The following PLEKHA1 variants were observed in gnomAD, a reference collection of about 807,000 sequenced individuals.
The protein encoded by PLEKHA1 is pleckstrin homology domain containing A1.
A neutral mutation model predicts 52.0 loss-of-function variants in PLEKHA1; 34 were observed. That is an observed-to-expected ratio of 0.65 (90% CI 0.50 to 0.87). The LOEUF is 0.87. Ranked by LOEUF, PLEKHA1 falls within the 40% of genes least tolerant of loss-of-function variation. The pLI, the probability that PLEKHA1 is intolerant of heterozygous loss-of-function variation, is 0.00. For synonymous variants in PLEKHA1, 163 were observed against 170.7 expected, an observed-to-expected ratio of 0.95 and a Z score of 0.35; for missense variants, 497 against 504.2, an observed-to-expected ratio of 0.99 and a Z score of 0.14.
At chr10:122,428,440 CT>C in intron 11 of PLEKHA1, 1 of 1,420,764 alleles carries the variant, frequency 7.0e-7, no homozygotes, top group Non-Finnish European at 9.3e-7. Flanking sequence ...ACCAAACTGC[CT>C]TTTGCAGTTA....
At chr10:122,383,501 T>TG (rs1196879498) in intron 1 of PLEKHA1, among the ~76,000 whole-genome samples, 4 of 150,996 alleles carry the variant, frequency 2.6e-5, no homozygotes, top group Non-Finnish European at 5.9e-5. Flanking sequence ...TTTTTTTTTT[T>TG]TTGGCAGAGA....
At chr10:122,406,747 A>G in intron 5 of PLEKHA1, 74 bp downstream of exon 5, 1 of 1,102,964 alleles carries the variant, frequency 9.1e-7, no homozygotes, top group Admixed American at 1.9e-5. Flanking sequence ...TACACCTACC[A>G]AATGTTCCCA....
chr10:122,425,918 C>T (rs1378186487), intron 10 of PLEKHA1, among the ~76,000 whole-genome samples: 1 of 152,006 alleles, frequency 6.6e-6, no homozygotes, highest in East Asian at 1.9e-4. Context: ...TAGGTGGGGT[C>T]ATACTAAATA....
chr10:122,414,018 G>A (rs1267550593), intron 6 of PLEKHA1, among the ~76,000 whole-genome samples: 1 of 151,944 alleles, frequency 6.6e-6, no homozygotes, highest in Non-Finnish European at 1.5e-5. Flanking sequence ...CTTTATGCTT[G>A]GCAAAGGGTA....
chr10:122,376,501 GATATATATATATATAT>G (rs56781870), intron 1 of PLEKHA1, among the ~76,000 whole-genome samples: 66,652 of 146,776 alleles, frequency 0.45, 15,917 homozygotes, highest in East Asian at 0.65. Context: ...ACATTAAGAA[GATATATATATATATAT>G]ATATATATAT....
At chr10:122,392,200 A>C (rs1376636215) in intron 1 of PLEKHA1, 2 of 151,976 alleles carry the variant, frequency 1.3e-5, no homozygotes, top group African/African-American at 4.8e-5. Flanking sequence ...AATATGATAC[A>C]CCTTTTAAGT....
Position 122,429,758 on chromosome 10 carries a change from C to T in PLEKHA1, c.1035C>T (p.Tyr345=), listed in dbSNP as rs146635571. The stretch of plus-strand genomic sequence containing the variant: ...TTACCATGGAGAAGCGAGGATTTTA[C>T]GAGTCTCTTGCCAAGGTCAAGCCAG... ...STFTMEKRGF[Y]ESLAKVKPGN... Residue 345 remains tyrosine, a synonymous_variant, in exon 12 of 12, where the codon TAC becomes TAT. Coordinates refer to ENST00000368990, the MANE Select transcript of PLEKHA1 (RefSeq NM_001001974.4). 1.2e-3 allele frequency: 2,008 copies of T among 1,614,162 alleles called. 19 individuals are homozygous for T. The African/African-American group carries it at 0.022, about 18-fold the overall frequency.
Position 122,393,090 on chromosome 10 carries a change from C to T in PLEKHA1, c.-20-91C>T. 1.0e-6 allele frequency: 1 copy of T among 998,314 alleles called. No individual in the cohort carries two copies. Among genetic ancestry groups the T allele is most frequent in the South Asian group, 2.2e-5 (1 of 46,364 alleles). The allele number at this position is 998,314 out of a possible 1,614,324, so 61.8% of individuals were successfully genotyped here. On this transcript the variant is annotated intron_variant, in intron 1 of 11. Coordinates refer to ENST00000368990, the MANE Select transcript of PLEKHA1 (RefSeq NM_001001974.4). The surrounding 1 kb of genome is among the most constrained non-coding windows in gnomAD (Gnocchi z 4.5). Reference sequence around the variant, plus strand: ...TTTAATTGACCTTACCTAATGTTGGCAAGTTGCCCCCTCATTGAACAGATT... The same window carrying T: ...TTTAATTGACCTTACCTAATGTTGGTAAGTTGCCCCCTCATTGAACAGATT...
chr10:122,392,884 AT>A (rs556258656), intron 1 of PLEKHA1, among the ~76,000 whole-genome samples: 4 of 151,814 alleles, frequency 2.6e-5, no homozygotes, highest in East Asian at 1.9e-4. Context: ...TTGGATAACT[AT>A]TTTTTTTGGC....
chr10:122,406,801 G>T (rs927825090), intron 5 of PLEKHA1, 128 bp downstream of exon 5: 13 of 687,482 alleles, frequency 1.9e-5, no homozygotes, highest in Admixed American at 5.5e-5. Flanking sequence ...TAAAAGACAG[G>T]TGTTCAGAAT....
intron 1 of PLEKHA1, among the ~76,000 whole-genome samples, chr10:122,377,243 C>G (rs143773736): frequency 6.6e-6 from 1 of 152,124 alleles, no homozygotes; most frequent in Non-Finnish European, 1.5e-5. Flanking sequence ...ACAATAGTAA[C>G]ATTGCTTTTA....
At chr10:122,400,441 T>C (rs960988443) in intron 4 of PLEKHA1, 53 bp downstream of exon 4, 5 of 1,488,836 alleles carry the variant, frequency 3.4e-6, no homozygotes, top group Non-Finnish European at 4.5e-6. Context: ...TTGTATCATA[T>C]TGTAAAAGAA....
At chr10:122,394,069 CTTTTTTTTT>C (rs796831792) in intron 2 of PLEKHA1, among the ~76,000 whole-genome samples, 3 of 97,206 alleles carry the variant, frequency 3.1e-5, no homozygotes, top group African/African-American at 6.9e-5. Flanking sequence ...ACTTTCTCTA[CTTTTTTTTT>C]TTTTTTTTTT....
chr10:122,396,202 T>G (rs760422246), intron 2 of PLEKHA1, among the ~76,000 whole-genome samples: 3 of 152,090 alleles, frequency 2.0e-5, no homozygotes, highest in African/African-American at 7.2e-5. Flanking sequence ...TATTCAGCAG[T>G]TAAAATAATA....
rs1286163451 is a variant in PLEKHA1, at chr10:122,412,981, G to A, written c.404G>A (p.Gly135Glu). The A allele has an allele frequency of 6.2e-7, 1 of 1,613,488 alleles. No homozygotes were observed. Among genetic ancestry groups the A allele is most frequent in the Non-Finnish European group, 8.5e-7 (1 of 1,179,644 alleles). Reference protein sequence around the residue: ...SDNLSRHGECGKKQVSYRTDI... With the variant: ...SDNLSRHGECEKKQVSYRTDI... ...AACCTAAGTCGCCATGGTGAATGTG[G>A]GAAAAAGCAAGTGTCTTACAGAACT... Residue 135 changes from glycine (G) to glutamate (E), a missense_variant, in exon 6 of 12, where the codon GGG becomes GAG. Transcript: ENST00000368990.
At chr10:122,421,721 A>G (rs1435169002) in intron 8 of PLEKHA1, 1 of 152,238 alleles carries the variant, frequency 6.6e-6, no homozygotes, top group Non-Finnish European at 1.5e-5. Context: ...TTTAAAAATT[A>G]AAATAGGTCT....
rs1342061174 is a variant in PLEKHA1 at position 122,424,975 on chromosome 10, G to A, written c.810+16G>A. The A allele has an allele frequency of 3.2e-6, 5 of 1,583,298 alleles. No homozygotes were observed. The highest frequency in any genetic ancestry group is 4.6e-5 in the East Asian group (2 of 43,898). Reference sequence around the variant, plus strand: ...CTATGTGCAGGTAAGATGCTTATTTGGCAATTAATAGATCCTCCTAAAAAG... The same window carrying A: ...CTATGTGCAGGTAAGATGCTTATTTAGCAATTAATAGATCCTCCTAAAAAG... On this transcript the variant is annotated intron_variant, in intron 10 of 11. Transcript: ENST00000368990.
chr10:122,423,026 G>T (rs907447005), intron 8 of PLEKHA1: 6 of 151,662 alleles, frequency 4.0e-5, no homozygotes, highest in Non-Finnish European at 4.4e-5. Context: ...GAAATTCTTT[G>T]TACTGTTTTT....
chr10:122,379,042 A>G (rs1337207885), intron 1 of PLEKHA1, among the ~76,000 whole-genome samples: 3 of 152,182 alleles, frequency 2.0e-5, no homozygotes, highest in Non-Finnish European at 4.4e-5. Flanking sequence ...GTGGCAGGCC[A>G]TTGCAGTCTA....
Sources: allele counts gnomAD v4.1 joint callset (sites outside exome capture counted in the v4.1 genomes callset), GRCh38; gene constraint gnomAD v4.1.1; non-coding constraint Gnocchi (gnomAD v3.1); transcripts MANE v1.5; gene names NCBI Gene and HGNC (gene_info 2026-07-23, HGNC 2026-07-21).